FAM13A: variants seen among roughly 807,000 people sequenced by gnomAD.
FAM13A encodes the protein protein FAM13A.
A neutral mutation model predicts 129.6 loss-of-function variants in FAM13A; 76 were observed. That is an observed-to-expected ratio of 0.59 (90% CI 0.49 to 0.71). The LOEUF is 0.71. Among genes scored for constraint, FAM13A ranks in the 30% least tolerant of loss-of-function variants. FAM13A has a pLI of 0.00. For synonymous variants in FAM13A, 443 were observed against 449.9 expected, an observed-to-expected ratio of 0.98 and a Z score of 0.20; for missense variants, 1,108 against 1,249.3, an observed-to-expected ratio of 0.89 and a Z score of 1.70.
At chr4:88,806,924 A>C (rs1728670461) in intron 7 of FAM13A, among the ~76,000 whole-genome samples, 1 of 152,192 alleles carries the variant, frequency 6.6e-6, no homozygotes, top group African/African-American at 2.4e-5. Context: ...AATTTTAGAA[A>C]TGTTAGAACT....
At chr4:88,921,426 C>A (rs959466404) in intron 5 of FAM13A, among the ~76,000 whole-genome samples, 2 of 152,078 alleles carry the variant, frequency 1.3e-5, no homozygotes, top group African/African-American at 2.4e-5. Context: ...AATTTTCAAC[C>A]CAGAATTTCA....
At chr4:88,970,350 G>T (rs1469040117) in intron 4 of FAM13A, among the ~76,000 whole-genome samples, 2 of 151,608 alleles carry the variant, frequency 1.3e-5, no homozygotes, top group Non-Finnish European at 2.9e-5. Flanking sequence ...GGCTATACAA[G>T]CACCAAATCA....
At chr4:88,845,108 C>CA (rs1472344098) in intron 7 of FAM13A, among the ~76,000 whole-genome samples, 1 of 151,632 alleles carries the variant, frequency 6.6e-6, no homozygotes, top group Non-Finnish European at 1.5e-5. Flanking sequence ...ATTATCTAAC[C>CA]ACAAGGTGAT....
intron 3 of FAM13A, among the ~76,000 whole-genome samples, chr4:89,009,448 T>A (rs1765461631): frequency 6.6e-6 from 1 of 152,238 alleles, no homozygotes. Context: ...ATAATGTATG[T>A]GCTATGAGCT....
intron 4 of FAM13A, among the ~76,000 whole-genome samples, chr4:88,988,498 C>T (rs1482245637): frequency 6.6e-6 from 1 of 152,082 alleles, no homozygotes; most frequent in African/African-American, 2.4e-5. Context: ...CTGAGGTCTG[C>T]AACTTAGTTT....
chr4:88,938,877 A>T (rs1754268351), intron 4 of FAM13A, among the ~76,000 whole-genome samples: 1 of 152,244 alleles, frequency 6.6e-6, no homozygotes, highest in African/African-American at 2.4e-5. Context: ...ACTGACAAAG[A>T]TTAGTAGTTA....
At position 88,726,393 on chromosome 4, in the gene FAM13A, T is replaced by C. The variant is rs779541998; in HGVS notation, c.*2140A>G. 6 of 152,554 alleles carry C rather than the reference T, an allele frequency of 3.9e-5. No homozygotes were observed. Among genetic ancestry groups the C allele is most frequent in the Non-Finnish European group, 8.8e-5 (6 of 68,044 alleles). 9.5% of individuals were successfully genotyped at this position (152,554 alleles called of 1,614,324 possible). A position where few individuals can be genotyped will look rare whatever the true frequency, so the allele number is the denominator to read the frequency against. Reference sequence around the variant, plus strand: ...TAACTTACTTGGTGTTTTCTTTTATTGAATCATACAAATTCAAATGGGGAT... The same window carrying C: ...TAACTTACTTGGTGTTTTCTTTTATCGAATCATACAAATTCAAATGGGGAT... On this transcript the variant is annotated 3_prime_UTR_variant, in exon 24 of 24. Transcript: ENST00000264344.
chr4:88,788,537 T>G (rs572957865), intron 9 of FAM13A, among the ~76,000 whole-genome samples: 60 of 152,216 alleles, frequency 3.9e-4, no homozygotes, highest in Non-Finnish European at 6.9e-4. Context: ...GCTGTATTCA[T>G]GCAAACACCC....
At chr4:88,976,253 T>C (rs190334237) in intron 4 of FAM13A, among the ~76,000 whole-genome samples, 1 of 152,180 alleles carries the variant, frequency 6.6e-6, no homozygotes, top group Non-Finnish European at 1.5e-5. Context: ...TGATGACCAT[T>C]AACTGCCAGG....
intron 6 of FAM13A, among the ~76,000 whole-genome samples, chr4:88,880,302 A>C (rs578169395): frequency 1.3e-5 from 2 of 152,298 alleles, no homozygotes; most frequent in East Asian, 3.9e-4. Flanking sequence ...CCAGCCCCGA[A>C]CACACACCCT....
intron 4 of FAM13A, among the ~76,000 whole-genome samples, chr4:88,958,814 A>T (rs1758165145): frequency 6.6e-6 from 1 of 152,168 alleles, no homozygotes; most frequent in Non-Finnish European, 1.5e-5. Context: ...TTGCAACCTC[A>T]AGGCAGAAAA....
intron 14 of FAM13A, among the ~76,000 whole-genome samples, chr4:88,756,131 G>A (rs1359690680): frequency 2.6e-5 from 4 of 152,112 alleles, no homozygotes; most frequent in South Asian, 2.1e-4. Flanking sequence ...CATTAAATCT[G>A]TATATTCATT....
chr4:88,840,641 C>T (rs1735657775), intron 7 of FAM13A, among the ~76,000 whole-genome samples: 1 of 151,796 alleles, frequency 6.6e-6, no homozygotes, highest in South Asian at 2.1e-4. Flanking sequence ...AATATGTTGG[C>T]AGATTTGGGA....
At chr4:88,984,603 C>T (rs2148996697) in intron 4 of FAM13A, among the ~76,000 whole-genome samples, 1 of 152,218 alleles carries the variant, frequency 6.6e-6, no homozygotes, top group Non-Finnish European at 1.5e-5. Flanking sequence ...TTCATACCCA[C>T]AGGAATGGAA....
At chr4:89,033,379 CA>C (rs931552607) in intron 1 of FAM13A, among the ~76,000 whole-genome samples, 87 of 152,214 alleles carry the variant, frequency 5.7e-4, no homozygotes, top group African/African-American at 2.0e-3. Context: ...ATTCCCACTT[CA>C]CAAAAGGCAC....
At chr4:88,810,594 A>C (rs6532080) in intron 7 of FAM13A, among the ~76,000 whole-genome samples, 68,532 of 151,794 alleles carry the variant, frequency 0.45, 15,755 homozygotes, top group East Asian at 0.69. Context: ...AAACATGCCT[A>C]ACAAAGGTGC....
At chr4:88,914,909 T>A (rs1291100917) in intron 5 of FAM13A, among the ~76,000 whole-genome samples, 1 of 152,206 alleles carries the variant, frequency 6.6e-6, no homozygotes, top group African/African-American at 2.4e-5. Context: ...AACAAGATAA[T>A]AACACATTTT....
chr4:88,938,782 A>AT (rs1754252426), intron 4 of FAM13A, among the ~76,000 whole-genome samples: 1 of 152,220 alleles, frequency 6.6e-6, no homozygotes, highest in African/African-American at 2.4e-5. Context: ...CAATAAAAAT[A>AT]GTTGAAAATA....
Position 89,056,931 on chromosome 4 carries a change from T to C in FAM13A, c.27+7A>G. Reference sequence around the variant, plus strand: ...AACACAGAAGACAGAAGAAGGCCTATACTTACACAGATGGCTAGAGCTCCT... The same window carrying C: ...AACACAGAAGACAGAAGAAGGCCTACACTTACACAGATGGCTAGAGCTCCT... On this transcript the variant is annotated splice_region_variant and intron_variant, in intron 1 of 23. Transcript: ENST00000264344. The C allele has an allele frequency of 1.9e-6, 3 of 1,613,606 alleles. No homozygotes were observed. The highest frequency in any genetic ancestry group is 2.5e-6 in the Non-Finnish European group (3 of 1,179,716).
Sources: allele counts gnomAD v4.1 joint callset (sites outside exome capture counted in the v4.1 genomes callset), GRCh38; gene constraint gnomAD v4.1.1; transcripts MANE v1.5; gene names NCBI Gene and HGNC (gene_info 2026-07-23, HGNC 2026-07-21).